Variants in ST6GALNAC3 observed in about 807,000 individuals in gnomAD.
The protein encoded by ST6GALNAC3 is ST6 N-acetylgalactosaminide alpha-2,6-sialyltransferase 3.
Under a neutral mutation model 32.7 loss-of-function variants are expected in ST6GALNAC3, and 25 were observed. That is an observed-to-expected ratio of 0.76 (90% CI 0.56 to 1.07). The LOEUF is 1.07. Ranked by LOEUF, ST6GALNAC3 falls within the 50% of genes least tolerant of loss-of-function variation. The pLI is 0.00. For missense variants in ST6GALNAC3, 355 were observed against 382.4 expected (o/e 0.93, Z 0.60); for synonymous variants, 129 against 133.1 (o/e 0.97, Z 0.21).
chr1:76,155,140 C>T (rs1430070226), intron 1 of ST6GALNAC3, among the ~76,000 whole-genome samples: 2 of 152,118 alleles, frequency 1.3e-5, no homozygotes, highest in Non-Finnish European at 2.9e-5. Context: ...ACGGGCTTTG[C>T]TGCCCTTGGT....
Position 76,536,654 on chromosome 1 carries a change from CAAAAAAAAAAAA to C in ST6GALNAC3, c.624-90787_624-90776del, listed in dbSNP as rs35157329. On this transcript the variant is annotated intron_variant, in intron 3 of 4. Transcript: ENST00000328299. ...CCATATCACATGGTGAAATGGAAAG[CAAAAAAAAAAAA>C]AAAAAAAAAAGCAGGGGTTGTAATC... is the stretch of plus-strand genomic sequence containing the variant. Among the ~76,000 whole-genome samples the C allele has an allele frequency of 9.2e-3, 531 of 57,662 alleles. 4 individuals are homozygous for C. The highest frequency in any genetic ancestry group is 0.031 in the African/African-American group (499 of 15,848). 37.8% of individuals were successfully genotyped at this position (57,662 alleles called of 152,430 possible). A position where few individuals can be genotyped will look rare whatever the true frequency, so the allele number is the denominator to read the frequency against.
intron 3 of ST6GALNAC3, among the ~76,000 whole-genome samples, chr1:76,606,772 C>T (rs1647577481): frequency 6.7e-6 from 1 of 149,986 alleles, no homozygotes; most frequent in African/African-American, 2.4e-5. Context: ...GGAGGTCCTT[C>T]TAGGTGAGGT....
chr1:76,577,104 G>A, intron 3 of ST6GALNAC3: 1 of 1,084,858 alleles, frequency 9.2e-7, no homozygotes, highest in South Asian at 2.7e-5. Flanking sequence ...AAAAAGGAAG[G>A]GAAATTGTGG....
intron 3 of ST6GALNAC3, among the ~76,000 whole-genome samples, chr1:76,530,561 G>A (rs941473205): frequency 6.6e-6 from 1 of 152,134 alleles, no homozygotes; most frequent in Non-Finnish European, 1.5e-5. Context: ...TTTGAGTTTT[G>A]ATCCTAGCAA....
intron 2 of ST6GALNAC3, among the ~76,000 whole-genome samples, chr1:76,324,021 G>A (rs7541737): frequency 1.3e-5 from 2 of 152,112 alleles, no homozygotes; most frequent in East Asian, 1.9e-4. Flanking sequence ...CACCATGCCC[G>A]GCTTAATTTT....
Position 76,401,620 on chromosome 1 carries a change from GAT to G in ST6GALNAC3, c.214-10385_214-10384del, listed in dbSNP as rs571727424. Among the ~76,000 whole-genome samples the G allele has an allele frequency of 7.0e-4, 107 of 152,228 alleles. 1 individual carries two copies. The highest frequency in any genetic ancestry group is 2.4e-3 in the African/African-American group (98 of 41,532). On this transcript the variant is annotated intron_variant, in intron 2 of 4. Transcript: ENST00000328299. ...GTAACAGTGATTTGAGACCTAGGATGATATTATCTTCCTCCAGAGGAGATTTT... is the reference window on the plus strand; with the variant it reads ...GTAACAGTGATTTGAGACCTAGGATGATTATCTTCCTCCAGAGGAGATTTT...
chr1:76,250,391 T>C (rs904986798), intron 1 of ST6GALNAC3, among the ~76,000 whole-genome samples: 2 of 152,344 alleles, frequency 1.3e-5, no homozygotes, highest in Admixed American at 6.5e-5. Flanking sequence ...ATTGCTTTAA[T>C]TGGACATTCC....
intron 1 of ST6GALNAC3, among the ~76,000 whole-genome samples, chr1:76,149,744 G>T (rs1466772404): frequency 6.6e-6 from 1 of 152,100 alleles, no homozygotes; most frequent in Admixed American, 6.5e-5. Context: ...TGGATATCTA[G>T]GTTGTTTCCA....
At chr1:76,251,015 C>A (rs1292709075) in intron 1 of ST6GALNAC3, among the ~76,000 whole-genome samples, 1 of 152,106 alleles carries the variant, frequency 6.6e-6, no homozygotes. Flanking sequence ...TCCTGAATTT[C>A]CCCGGCCTGT....
intron 1 of ST6GALNAC3, among the ~76,000 whole-genome samples, chr1:76,283,344 G>A (rs1414480): frequency 0.19 from 29,361 of 151,974 alleles, 5,419 homozygotes; most frequent in African/African-American, 0.48. Flanking sequence ...ATTGGTAATG[G>A]TTTTCTTTTT....
At chr1:76,601,205 G>T (rs1486612673) in intron 3 of ST6GALNAC3, among the ~76,000 whole-genome samples, 1 of 150,754 alleles carries the variant, frequency 6.6e-6, no homozygotes, top group Non-Finnish European at 1.5e-5. Context: ...CAAAAACAAA[G>T]AAGGAAGGAA....
intron 1 of ST6GALNAC3, among the ~76,000 whole-genome samples, chr1:76,156,794 C>T (rs755107508): frequency 2.6e-5 from 4 of 152,290 alleles, no homozygotes; most frequent in Admixed American, 6.5e-5. Flanking sequence ...TACAGTGGCG[C>T]GATCTTGGCT....
intron 3 of ST6GALNAC3, among the ~76,000 whole-genome samples, chr1:76,510,376 GA>G (rs879436062): frequency 0.035 from 5,146 of 145,448 alleles, 271 homozygotes; most frequent in African/African-American, 0.12. Flanking sequence ...TGGGTGCTAG[GA>G]AAAAAAAAAA....
At chr1:76,472,197 G>A (rs1372098932) in intron 3 of ST6GALNAC3, among the ~76,000 whole-genome samples, 1 of 152,096 alleles carries the variant, frequency 6.6e-6, no homozygotes, top group Non-Finnish European at 1.5e-5. Flanking sequence ...ATGGGTAAAA[G>A]AAAAGATTCA....
chr1:76,431,803 G>T (rs78382935), intron 3 of ST6GALNAC3, among the ~76,000 whole-genome samples: 4,306 of 152,098 alleles, frequency 0.028, 204 homozygotes, highest in East Asian at 0.18. Flanking sequence ...TGGTACATTT[G>T]TTACAACTGA....
chr1:76,353,817 TCACAAAGA>T (rs1228999266), intron 2 of ST6GALNAC3: 1 of 152,752 alleles, frequency 6.5e-6, no homozygotes, highest in Non-Finnish European at 1.5e-5. Context: ...CACTCACCAG[TCACAAAGA>T]CACAAAGACA....
chr1:76,172,534 A>G (rs1236127277), intron 1 of ST6GALNAC3, among the ~76,000 whole-genome samples: 2 of 152,238 alleles, frequency 1.3e-5, no homozygotes, highest in African/African-American at 2.4e-5. Flanking sequence ...ATAGGAAGAA[A>G]GGAAGTGAAA....
chr1:76,108,224 T>G (rs1199685377), intron 1 of ST6GALNAC3, among the ~76,000 whole-genome samples: 1 of 152,192 alleles, frequency 6.6e-6, no homozygotes, highest in African/African-American at 2.4e-5. Flanking sequence ...CTGAGTGCAT[T>G]TATTCATTTA....
intron 3 of ST6GALNAC3, among the ~76,000 whole-genome samples, chr1:76,518,528 C>T (rs188630543): frequency 2.0e-4 from 30 of 151,774 alleles, no homozygotes; most frequent in African/African-American, 7.0e-4. Flanking sequence ...TTCTGCATTC[C>T]ATTTTTCTCA....
Sources: allele counts gnomAD v4.1 joint callset (sites outside exome capture counted in the v4.1 genomes callset), GRCh38; gene constraint gnomAD v4.1.1; transcripts MANE v1.5; gene names NCBI Gene and HGNC (gene_info 2026-07-23, HGNC 2026-07-21).